The following ATP6V1B1 variants were observed in gnomAD, a reference collection of about 807,000 sequenced individuals.
ATP6V1B1 encodes ATPase H+ transporting V1 subunit B1, also known as V-type proton ATPase subunit B, kidney isoform.
A neutral mutation model predicts 62.1 loss-of-function variants in ATP6V1B1; 41 were observed. That is an observed-to-expected ratio of 0.66 (90% CI 0.51 to 0.86). The LOEUF is 0.86. Among genes scored for constraint, ATP6V1B1 ranks in the 40% least tolerant of loss-of-function variants. The pLI is 0.00. For synonymous variants in ATP6V1B1, 253 were observed against 273.4 expected (o/e 0.93, Z 0.74); for missense variants, 651 against 697.5 (o/e 0.93, Z 0.75).
At chr2:70,947,453 C>G (rs1284595725) in intron 2 of ATP6V1B1, 27 of 152,162 alleles carry the variant, frequency 1.8e-4, no homozygotes, top group Admixed American at 1.7e-3. Flanking sequence ...ACACGGAGAA[C>G]CTCTGTTCTA....
At chr2:70,947,214 G>C (rs1216507447) in intron 2 of ATP6V1B1, among the ~76,000 whole-genome samples, 3 of 152,136 alleles carry the variant, frequency 2.0e-5, no homozygotes, top group African/African-American at 7.2e-5. Context: ...TTTTCTGGTA[G>C]GAGTTTCTAC....
At position 70,963,803 on chromosome 2, in the gene ATP6V1B1, C is replaced by A; in HGVS notation, c.1143+149C>A. 1 of 867,052 alleles carries A rather than the reference C, an allele frequency of 1.2e-6. No individual in the cohort carries two copies. Among genetic ancestry groups the A allele is most frequent in the Non-Finnish European group, 1.9e-6 (1 of 524,626 alleles). 53.7% of individuals were successfully genotyped at this position (867,052 alleles called of 1,614,324 possible). The stretch of plus-strand genomic sequence containing the variant: ...GCCACAGGGAAGACTGCATGGTTCA[C>A]AGACAGAAGACAGGCCTGAGCAGAA... On this transcript the variant is annotated intron_variant, in intron 11 of 13. Coordinates refer to ENST00000234396, the MANE Select transcript of ATP6V1B1 (RefSeq NM_001692.4). This position sits in a 1 kb window ranked among gnomAD's most constrained non-coding sequence, Gnocchi z 4.3.
chr2:70,942,014 G>T, intron 1 of ATP6V1B1: 1 of 1,067,616 alleles, frequency 9.4e-7, no homozygotes, highest in Non-Finnish European at 1.1e-6. Flanking sequence ...GAGAAGGACT[G>T]GGACTGAGCG....
At position 70,965,208 on chromosome 2, in the gene ATP6V1B1, T is replaced by C; in HGVS notation, c.*87T>C. Reference sequence around the variant, plus strand: ...CTCCCTCGCCACCCCAACCAGCGGCTTCTGCGCCGCCCTCCGCCCTCCGCT... The same window carrying C: ...CTCCCTCGCCACCCCAACCAGCGGCCTCTGCGCCGCCCTCCGCCCTCCGCT... On this transcript the variant is annotated 3_prime_UTR_variant, in exon 14 of 14. Coordinates refer to ENST00000234396, the MANE Select transcript of ATP6V1B1 (RefSeq NM_001692.4). The C allele has an allele frequency of 6.4e-7, 1 of 1,566,568 alleles. No individual in the cohort carries two copies. The highest frequency in any genetic ancestry group is 8.6e-7 in the Non-Finnish European group (1 of 1,158,384).
At chr2:70,943,214 A>G (rs1680049723) in intron 1 of ATP6V1B1, among the ~76,000 whole-genome samples, 1 of 151,976 alleles carries the variant, frequency 6.6e-6, no homozygotes, top group Non-Finnish European at 1.5e-5. Flanking sequence ...ACACTGCTCA[A>G]TCAGTGTGGG....
At chr2:70,951,642 T>A (rs1680324557) in intron 2 of ATP6V1B1, among the ~76,000 whole-genome samples, 1 of 152,130 alleles carries the variant, frequency 6.6e-6, no homozygotes, top group Non-Finnish European at 1.5e-5. Context: ...GCGCGGTGGC[T>A]CATGCCTGTA....
intron 1 of ATP6V1B1, among the ~76,000 whole-genome samples, chr2:70,938,116 G>A (rs1368366204): frequency 3.9e-5 from 6 of 152,082 alleles, no homozygotes; most frequent in African/African-American, 9.7e-5. Context: ...AGGATGCACC[G>A]GGCCAGCCTC....
chr2:70,941,148 G>A, intron 1 of ATP6V1B1: 1 of 610,526 alleles, frequency 1.6e-6, no homozygotes, highest in Non-Finnish European at 2.1e-6. Context: ...GAACTCCTGG[G>A]CTCAAGTGAT....
intron 1 of ATP6V1B1, among the ~76,000 whole-genome samples, chr2:70,936,501 G>C (rs140110795): frequency 1.3e-5 from 2 of 152,140 alleles, no homozygotes; most frequent in Admixed American, 6.5e-5. Context: ...TGGCAGTGCA[G>C]AGTGTCAGCG....
At chr2:70,938,403 TG>T (rs1679909885) in intron 1 of ATP6V1B1, among the ~76,000 whole-genome samples, 1 of 152,130 alleles carries the variant, frequency 6.6e-6, no homozygotes, top group African/African-American at 2.4e-5. Context: ...CCTCCTACCC[TG>T]GGTCTGTAAG....
chr2:70,965,210 C>A lies in ATP6V1B1; in HGVS notation c.*89C>A. 1 of 1,559,360 alleles carries A rather than the reference C, an allele frequency of 6.4e-7. No homozygotes were observed. Among genetic ancestry groups the A allele is most frequent in the Admixed American group, 1.7e-5 (1 of 57,950 alleles). The stretch of plus-strand genomic sequence containing the variant: ...CCCTCGCCACCCCAACCAGCGGCTT[C>A]TGCGCCGCCCTCCGCCCTCCGCTGG... On this transcript the variant is annotated 3_prime_UTR_variant, in exon 14 of 14. Transcript: ENST00000234396.
Position 70,949,765 on chromosome 2 carries a change from T to C in ATP6V1B1, c.174+6052T>C, listed in dbSNP as rs558053583. 1.1e-4 allele frequency among the ~76,000 whole-genome samples: 17 copies of C among 152,338 alleles called. No homozygotes were observed. The South Asian group carries it at 1.2e-3, about 11-fold the overall frequency. ...AGCAAGTTGTGCATACGGGAGCTCC[T>C]TGTTTATTGCTCACAGGCTATCTTT... On this transcript the variant is annotated intron_variant, in intron 2 of 13. Transcript: ENST00000234396.
chr2:70,960,017 A>C lies in ATP6V1B1; in HGVS notation c.524A>C (p.Asn175Thr). Residue 175 changes from asparagine to threonine, a missense_variant, in exon 6 of 14, where the codon AAC becomes ACC. Asn to Thr is a moderately conservative substitution (Grantham distance 65). Coordinates refer to ENST00000234396, the MANE Select transcript of ATP6V1B1 (RefSeq NM_001692.4). ...GGCATTTCTCCTATTGACGTCATGA[A>C]CAGCATTGCCCGCGGCCAGAAGATC... ...QTGISPIDVM[N>T]SIARGQKIPI... 1.9e-6 allele frequency: 3 copies of C among 1,614,214 alleles called. No individual in the cohort carries two copies. The highest frequency in any genetic ancestry group is 2.5e-6 in the Non-Finnish European group (3 of 1,180,038).
At chr2:70,946,836 G>A (rs1202807266) in intron 2 of ATP6V1B1, among the ~76,000 whole-genome samples, 1 of 152,118 alleles carries the variant, frequency 6.6e-6, no homozygotes, top group African/African-American at 2.4e-5. Flanking sequence ...TTTCTCCACT[G>A]TAAAATGAGG....
Position 70,965,335 on chromosome 2 carries a change from G to T in ATP6V1B1, c.*214G>T. Reference sequence around the variant, plus strand: ...CCCCTCGACTCCCGGTGCTGCGGAAGAACTGAAGGTTGCGATGCCTTACTC... The same window carrying T: ...CCCCTCGACTCCCGGTGCTGCGGAATAACTGAAGGTTGCGATGCCTTACTC... On this transcript the variant is annotated 3_prime_UTR_variant, in exon 14 of 14. Coordinates refer to ENST00000234396, the MANE Select transcript of ATP6V1B1 (RefSeq NM_001692.4). 1 of 660,690 alleles carries T rather than the reference G, an allele frequency of 1.5e-6. No homozygotes were observed. Among genetic ancestry groups the T allele is most frequent in the Non-Finnish European group, 2.5e-6 (1 of 392,182 alleles). The allele number at this position is 660,690 out of a possible 1,614,324, so 40.9% of individuals were successfully genotyped here.
At chr2:70,937,573 CCA>C (rs1679888636) in intron 1 of ATP6V1B1, among the ~76,000 whole-genome samples, 1 of 152,004 alleles carries the variant, frequency 6.6e-6, no homozygotes, top group South Asian at 2.1e-4. Context: ...CCCCTTGGGT[CCA>C]GAGCCCAGGC....
Position 70,960,023 on chromosome 2 carries a change from T to C in ATP6V1B1, c.530T>C (p.Ile177Thr). ...TCTCCTATTGACGTCATGAACAGCATTGCCCGCGGCCAGAAGATCCCCATC... is the reference window on the plus strand; with the variant it reads ...TCTCCTATTGACGTCATGAACAGCACTGCCCGCGGCCAGAAGATCCCCATC... ...GISPIDVMNS[I>T]ARGQKIPIFS... Residue 177 changes from isoleucine to threonine, a missense_variant, in exon 6 of 14, where the codon ATT (isoleucine) becomes ACT (threonine). Coordinates refer to ENST00000234396, the MANE Select transcript of ATP6V1B1 (RefSeq NM_001692.4). 2.5e-6 allele frequency: 4 copies of C among 1,614,184 alleles called. No individual in the cohort carries two copies. The highest frequency in any genetic ancestry group is 3.4e-6 in the Non-Finnish European group (4 of 1,180,022).
intron 2 of ATP6V1B1, among the ~76,000 whole-genome samples, chr2:70,952,167 G>GA (rs1385812484): frequency 6.6e-6 from 1 of 151,820 alleles, no homozygotes; most frequent in Non-Finnish European, 1.5e-5. Flanking sequence ...AATTGTATTA[G>GA]AAACAGATGC....
At chr2:70,964,385 G>A in intron 11 of ATP6V1B1, 53 bp from the exon 12 acceptor site, 6 of 1,580,794 alleles carry the variant, frequency 3.8e-6, no homozygotes, top group Admixed American at 1.7e-5. Context: ...TGGGGACAGG[G>A]GGAGCAAAGC....
Sources: allele counts gnomAD v4.1 joint callset (sites outside exome capture counted in the v4.1 genomes callset), GRCh38; gene constraint gnomAD v4.1.1; non-coding constraint Gnocchi (gnomAD v3.1); transcripts MANE v1.5; gene names NCBI Gene and HGNC (gene_info 2026-07-23, HGNC 2026-07-21).